NUP205: variants seen among roughly 807,000 people sequenced by gnomAD.
The protein encoded by NUP205 is nucleoporin 205, also known as nuclear pore complex protein Nup205.
NUP205 carries 76 observed loss-of-function variants against 253.8 expected under a neutral mutation model. The observed-to-expected ratio is 0.30, with a 90% confidence interval of 0.25 to 0.36. The LOEUF (loss-of-function observed/expected upper bound fraction) is 0.36, where lower values mean the gene tolerates loss of function less well. Ranked by LOEUF, NUP205 falls within the 10% of genes least tolerant of loss-of-function variation. The pLI, the probability that NUP205 is intolerant of heterozygous loss-of-function variation, is 1.00. For synonymous variants in NUP205, 832 were observed against 850.1 expected (o/e 0.98, Z 0.37); for missense variants, 2,162 against 2,425.5 (o/e 0.89, Z 2.28).
In NUP205 at chr7:135,589,808, C is replaced by A. The variant is rs773802496; in HGVS notation, c.1474-1642C>A. ...ATTAGCCAGACATGGTGGTGCGTAC[C>A]TATGGCCCCATTTGCACGGGAGGCT... On this transcript the variant is annotated intron_variant, in intron 10 of 42. Coordinates refer to ENST00000285968, the MANE Select transcript of NUP205 (RefSeq NM_015135.3). Among the ~76,000 whole-genome samples the A allele has an allele frequency of 1.5e-4, 23 of 151,018 alleles. 2 individuals are homozygous for A. Among genetic ancestry groups the A allele is most frequent in the Non-Finnish European group, 3.2e-4 (22 of 67,710 alleles).
chr7:135,573,473 A>C (rs1213951791), intron 2 of NUP205, among the ~76,000 whole-genome samples, 181 bp from the exon 3 acceptor site: 1 of 152,210 alleles, frequency 6.6e-6, no homozygotes, highest in African/African-American at 2.4e-5. Context: ...ATTGGAATAA[A>C]AAGTTTAAGG....
chr7:135,633,974 A>G (rs1794762511), intron 35 of NUP205, among the ~76,000 whole-genome samples: 1 of 152,164 alleles, frequency 6.6e-6, no homozygotes, highest in Non-Finnish European at 1.5e-5. Context: ...CTCCCATTAG[A>G]TTGCAGTTCT....
chr7:135,576,970 C>A lies in NUP205; in HGVS notation c.490C>A (p.Pro164Thr). 3 of 1,611,714 alleles carry A rather than the reference C, an allele frequency of 1.9e-6. No homozygotes were observed. Among genetic ancestry groups the A allele is most frequent in the Non-Finnish European group, 2.5e-6 (3 of 1,179,218 alleles). Residue 164 changes from proline to threonine, a missense_variant and splice_region_variant, in exon 5 of 43, where the codon CCA (proline) becomes ACA (threonine). Transcript: ENST00000285968. ...RGKTWTLELS[P>T]ELASMTTRFT... ...TTTATTGATTTCTTTTCATTACAGT[C>A]CAGAGCTGGCTTCCATGACAACACG...
chr7:135,631,810 C>T (rs963930354), intron 35 of NUP205, among the ~76,000 whole-genome samples: 11 of 148,402 alleles, frequency 7.4e-5, no homozygotes, highest in Admixed American at 4.8e-4. Context: ...AGTGCAGTGG[C>T]GCGATCTCGG....
At chr7:135,611,115 C>T (rs965993575) in intron 22 of NUP205, among the ~76,000 whole-genome samples, 3 of 151,492 alleles carry the variant, frequency 2.0e-5, no homozygotes, top group Non-Finnish European at 2.9e-5. Flanking sequence ...AAGCAATTCT[C>T]GTGCCTCAGT....
chr7:135,607,183 C>G (rs1354987870), intron 21 of NUP205, 64 bp from the exon 22 acceptor site: 2 of 1,572,918 alleles, frequency 1.3e-6, no homozygotes, highest in African/African-American at 1.4e-5. Context: ...TTTGAAAAGG[C>G]AGTCTAAGAT....
In NUP205 at chr7:135,576,378, A is replaced by G; in HGVS notation, c.452A>G (p.Gln151Arg). The change falls in exon 4 of 43, where the codon CAG (glutamine) becomes CGG (arginine). Residue 151 changes from glutamine (Q) to arginine (R), a missense_variant. This residue lies in a region of NUP205 where 892 missense variants were observed against 957.1 expected (regional missense o/e 0.93). Coordinates refer to ENST00000285968, the MANE Select transcript of NUP205 (RefSeq NM_015135.3). ...CIANSLKALI[Q>R]SRRGKTWTLE... ...GCGAATTCCTTGAAAGCCTTGATAC[A>G]GTCTAGACGGGGAAAGACATGGACC... 1 of 1,613,856 alleles carries G rather than the reference A, an allele frequency of 6.2e-7. No individual in the cohort carries two copies. The highest frequency in any genetic ancestry group is 8.5e-7 in the Non-Finnish European group (1 of 1,179,838).
At position 135,577,292 on chromosome 7, in the gene NUP205, A is replaced by C. The variant is rs1346589322; in HGVS notation, c.648+164A>C. Among the ~76,000 whole-genome samples, 3 of 152,136 alleles carry C rather than the reference A, an allele frequency of 2.0e-5. No individual in the cohort carries two copies. In the East Asian group the frequency reaches 5.8e-4, roughly 29 times the overall value. On this transcript the variant is annotated intron_variant, in intron 5 of 42. Transcript: ENST00000285968. ...TTTTATTATTTTTCATTGACACAAA[A>C]CTGTACATATGTATAGGGTACAGTG... is the stretch of plus-strand genomic sequence containing the variant.
At chr7:135,570,720 T>TA (rs1164374948) in intron 1 of NUP205, among the ~76,000 whole-genome samples, 9 of 108,536 alleles carry the variant, frequency 8.3e-5, no homozygotes, top group Admixed American at 4.9e-4. Flanking sequence ...ATATAATTAA[T>TA]TATATTTATA....
chr7:135,592,967 T>A lies in NUP205; in HGVS notation c.1625-20T>A, dbSNP rs369722167. 246 of 1,523,140 alleles carry A rather than the reference T, an allele frequency of 1.6e-4. No homozygotes were observed. The African/African-American group carries it at 3.1e-3, about 19-fold the overall frequency. The allele number at this position is 1,523,140 out of a possible 1,614,324, so 94.4% of individuals were successfully genotyped here. On this transcript the variant is annotated intron_variant, in intron 11 of 42. Coordinates refer to ENST00000285968, the MANE Select transcript of NUP205 (RefSeq NM_015135.3). The stretch of plus-strand genomic sequence containing the variant: ...CTTAGATGTTTTTTAAATAAAATTC[T>A]GTGCTGTTTTTCTTTATAGTTGAAA...
At chr7:135,632,479 G>A (rs1363424978) in intron 35 of NUP205, among the ~76,000 whole-genome samples, 3 of 151,850 alleles carry the variant, frequency 2.0e-5, no homozygotes, top group Admixed American at 6.6e-5. Flanking sequence ...TTGCTTTGGA[G>A]ATGTCTGAGG....
chr7:135,639,710 A>C (rs999275839), intron 38 of NUP205, among the ~76,000 whole-genome samples: 3 of 151,550 alleles, frequency 2.0e-5, no homozygotes, highest in Non-Finnish European at 4.4e-5. Context: ...AAAAAAAATT[A>C]GTTTAACCCA....
In NUP205 at chr7:135,578,037, A is replaced by G. The variant is rs1289628421; in HGVS notation, c.877+13A>G. On this transcript the variant is annotated intron_variant, in intron 6 of 42. Transcript: ENST00000285968. Reference sequence around the variant, plus strand: ...GAGGAACGAGATGGTATTGAGTTTTATACATTTTCCTACATTAAAAAAATC... The same window carrying G: ...GAGGAACGAGATGGTATTGAGTTTTGTACATTTTCCTACATTAAAAAAATC... The G allele has an allele frequency of 1.3e-6, 2 of 1,568,744 alleles. No homozygotes were observed. Among genetic ancestry groups the G allele is most frequent in the Non-Finnish European group, 1.8e-6 (2 of 1,140,112 alleles).
intron 12 of NUP205, among the ~76,000 whole-genome samples, chr7:135,593,872 G>C (rs1793756578): frequency 6.6e-6 from 1 of 152,180 alleles, no homozygotes; most frequent in Non-Finnish European, 1.5e-5. Flanking sequence ...CAAAGTTACA[G>C]ATAGAGAAGA....
At chr7:135,588,055 A>C in intron 10 of NUP205, 63 bp downstream of exon 10, 2 of 1,407,650 alleles carry the variant, frequency 1.4e-6, no homozygotes, top group Non-Finnish European at 1.9e-6. Context: ...TGAAAACATG[A>C]AAGATATTAC....
intron 14 of NUP205, chr7:135,597,738 C>G (rs542742046): frequency 4.3e-6 from 2 of 460,324 alleles, no homozygotes; most frequent in Non-Finnish European, 7.6e-6. Flanking sequence ...CTAATTCTCC[C>G]TCTCTTTTAA....
At chr7:135,609,635 G>A (rs1247920559) in intron 22 of NUP205, among the ~76,000 whole-genome samples, 7 of 151,204 alleles carry the variant, frequency 4.6e-5, no homozygotes, top group African/African-American at 1.7e-4. Context: ...GCAACAGAGC[G>A]AGACCCCATC....
At chr7:135,633,502 G>A (rs1794753867) in intron 35 of NUP205, among the ~76,000 whole-genome samples, 3 of 152,176 alleles carry the variant, frequency 2.0e-5, no homozygotes, top group Admixed American at 2.0e-4. Context: ...TAATAATTTT[G>A]TGTGTATATG....
chr7:135,608,741 AATG>A (rs1403585733), intron 22 of NUP205, among the ~76,000 whole-genome samples: 3 of 152,058 alleles, frequency 2.0e-5, no homozygotes, highest in Admixed American at 2.0e-4. Context: ...AGTAAACTAT[AATG>A]ATAATTTATA....
Sources: gnomAD v4.1 joint callset for allele counts (sites outside exome capture counted in the v4.1 genomes callset) on GRCh38, gnomAD v4.1.1 for gene constraint, gnomAD v4.1.1 regional missense constraint, MANE v1.5 for transcripts, NCBI Gene and HGNC (gene_info 2026-07-23, HGNC 2026-07-21) for gene names.